Variants in HERC3 observed in about 807,000 individuals in gnomAD.
The protein encoded by HERC3 is probable E3 ubiquitin-protein ligase HERC3.
A neutral mutation model predicts 129.9 loss-of-function variants in HERC3; 58 were observed. The observed-to-expected ratio is 0.45, with a 90% CI of 0.36 to 0.56. The LOEUF (loss-of-function observed/expected upper bound fraction) is 0.56, where lower values mean the gene tolerates loss of function less well. Ranked by LOEUF, HERC3 falls within the 20% of genes least tolerant of loss-of-function variation. The pLI is 0.00. For missense variants in HERC3, 835 were observed against 1,244.2 expected (o/e 0.67, Z 4.95); for synonymous variants, 430 against 451.0 (o/e 0.95, Z 0.59).
chr4:88,593,145 C>A (rs1415510780), intron 1 of HERC3: 1 of 152,112 alleles, frequency 6.6e-6, no homozygotes, highest in African/African-American at 2.4e-5. Context: ...ACAGCGCCGG[C>A]AGGGCTGCGG....
chr4:88,532,796 G>A, the HERC3 span, among the ~76,000 whole-genome samples: 1 of 152,182 alleles, frequency 6.6e-6, no homozygotes, highest in South Asian at 2.1e-4. Context: ...TAATATTTAG[G>A]AAAACAATGT....
rs1019578767 is a variant in HERC3, at chr4:88,595,595, T to C, written c.-49T>C. On this transcript the variant is annotated 5_prime_UTR_variant, in exon 2 of 26. An upstream start codon of the reference 5' UTR is lost. Transcript: ENST00000402738. ...GGAATATTTCTGGCTTCTAGTCCAA[T>C]GCCAAGTGTGTGACCTGTGGTGAGT... The C allele has an allele frequency of 5.9e-5, 9 of 152,356 alleles. No homozygotes were observed. The highest frequency in any genetic ancestry group is 3.4e-3 in the Middle Eastern group (1 of 294). The allele number at this position is 152,356 out of a possible 1,614,324, so 9.4% of individuals were successfully genotyped here. A position where few individuals can be genotyped will look rare whatever the true frequency, so the allele number is the denominator to read the frequency against.
At chr4:88,690,359 G>A (rs1733950192) in intron 23 of HERC3, 1 of 985,350 alleles carries the variant, frequency 1.0e-6, no homozygotes, top group Non-Finnish European at 1.2e-6. Context: ...TTCCCTCCTG[G>A]TTTTGGGGAT....
At chr4:88,571,510 TC>T in the HERC3 span, among the ~76,000 whole-genome samples, 3 of 152,140 alleles carry the variant, frequency 2.0e-5, no homozygotes, top group African/African-American at 7.2e-5. Flanking sequence ...CTTTCTTTTT[TC>T]CCCCAGATCC....
chr4:88,619,893 A>G (rs1325220553), intron 3 of HERC3, among the ~76,000 whole-genome samples: 1 of 152,226 alleles, frequency 6.6e-6, no homozygotes, highest in East Asian at 1.9e-4. Flanking sequence ...CATCCATTTG[A>G]TTGGCAAGAA....
chr4:88,524,501 G>T, the HERC3 span, among the ~76,000 whole-genome samples: 1 of 152,182 alleles, frequency 6.6e-6, no homozygotes, highest in Non-Finnish European at 1.5e-5. Flanking sequence ...AAGTGACCAT[G>T]TTAGATCTCT....
intron 3 of HERC3, among the ~76,000 whole-genome samples, chr4:88,622,411 T>C (rs1026989128): frequency 6.6e-6 from 1 of 152,210 alleles, no homozygotes; most frequent in Non-Finnish European, 1.5e-5. Flanking sequence ...TGGTTTTAGG[T>C]TTTTGGCTGT....
At chr4:88,615,295 G>C (rs976250401) in intron 3 of HERC3, among the ~76,000 whole-genome samples, 3 of 152,104 alleles carry the variant, frequency 2.0e-5, no homozygotes, top group African/African-American at 7.2e-5. Flanking sequence ...CCTGAATGGG[G>C]TATATCTGGT....
chr4:88,635,064 A>G (rs958657231), intron 3 of HERC3, among the ~76,000 whole-genome samples: 1 of 152,172 alleles, frequency 6.6e-6, no homozygotes, highest in Non-Finnish European at 1.5e-5. Flanking sequence ...AATGAAAAAA[A>G]CGCTGAAAAC....
At chr4:88,533,982 C>G in the HERC3 span, among the ~76,000 whole-genome samples, 1 of 152,140 alleles carries the variant, frequency 6.6e-6, no homozygotes. Context: ...TTTCTACCTC[C>G]CATTCCTCCT....
At chr4:88,534,604 T>C in the HERC3 span, among the ~76,000 whole-genome samples, 5 of 152,172 alleles carry the variant, frequency 3.3e-5, no homozygotes, top group South Asian at 2.1e-4. Flanking sequence ...CATTTCCTTT[T>C]CCAATTTATT....
At chr4:88,645,728 A>G (rs1198889118) in intron 3 of HERC3, among the ~76,000 whole-genome samples, 1 of 152,180 alleles carries the variant, frequency 6.6e-6, no homozygotes, top group Non-Finnish European at 1.5e-5. Context: ...ATTTCATCAC[A>G]TGACTCAGAA....
intron 10 of HERC3, among the ~76,000 whole-genome samples, chr4:88,660,976 A>G (rs1458121779): frequency 6.6e-6 from 1 of 152,218 alleles, no homozygotes; most frequent in Non-Finnish European, 1.5e-5. Context: ...GCCTGTATGT[A>G]TTAAAGACAG....
intron 2 of HERC3, among the ~76,000 whole-genome samples, chr4:88,602,171 C>T (rs1158018624): frequency 6.6e-6 from 1 of 151,642 alleles, no homozygotes; most frequent in Non-Finnish European, 1.5e-5. Context: ...GAGGCCAAGG[C>T]GGGCTAATTA....
Position 88,652,915 on chromosome 4 carries a change from C to G in HERC3, c.510C>G (p.Gly170=). 1 of 1,613,800 alleles carries G rather than the reference C, an allele frequency of 6.2e-7. No homozygotes were observed. Among genetic ancestry groups the G allele is most frequent in the Non-Finnish European group, 8.5e-7 (1 of 1,179,970 alleles). The part of the protein sequence containing the change: ...TWGKNSHGQL[G]LGKEFPSQAS... ...GAAAGAACAGCCATGGGCAGCTTGG[C>G]TTAGGGAAGGAGTTCCCCTCCCAAG... Residue 170 remains glycine (G), a synonymous_variant, in exon 6 of 26, where the codon GGC becomes GGG. Coordinates refer to ENST00000402738, the MANE Select transcript of HERC3 (RefSeq NM_014606.3).
chr4:88,649,886 T>G lies in HERC3; in HGVS notation c.273T>G (p.Cys91Trp). ...ATCAGCATATCATTCATGTGGCATG[T>G]GGCGAGTCCCACAGTCTGGCCCTCA... ...LADQHIIHVA[C>W]GESHSLALSD... Residue 91 changes from cysteine (C) to tryptophan (W), a missense_variant, in exon 4 of 26, where the codon TGT becomes TGG. Cys to Trp is a radical substitution (Grantham distance 215). Coordinates refer to ENST00000402738, the MANE Select transcript of HERC3 (RefSeq NM_014606.3). 6.2e-7 allele frequency: 1 copy of G among 1,614,076 alleles called. No individual in the cohort carries two copies. Among genetic ancestry groups the G allele is most frequent in the Non-Finnish European group, 8.5e-7 (1 of 1,179,990 alleles).
chr4:88,558,947 A>G, the HERC3 span, among the ~76,000 whole-genome samples: 5 of 148,700 alleles, frequency 3.4e-5, no homozygotes, highest in Non-Finnish European at 7.4e-5. Flanking sequence ...CAGCCTGGGC[A>G]ACAGAGCGAG....
intron 14 of HERC3, among the ~76,000 whole-genome samples, chr4:88,669,256 A>T (rs976082965): frequency 1.3e-5 from 2 of 152,176 alleles, no homozygotes; most frequent in Non-Finnish European, 2.9e-5. Context: ...TTTTAAAGGA[A>T]ATCTCAGACA....
the HERC3 span, among the ~76,000 whole-genome samples, chr4:88,545,430 CTTTTTTTTT>C: frequency 4.5e-5 from 5 of 110,434 alleles, no homozygotes; most frequent in African/African-American, 1.8e-4. Flanking sequence ...TTTGAGAATT[CTTTTTTTTT>C]TTTTTTTTTT....
Sources: allele counts gnomAD v4.1 joint callset (sites outside exome capture counted in the v4.1 genomes callset), GRCh38; gene constraint gnomAD v4.1.1; transcripts MANE v1.5; gene names NCBI Gene and HGNC (gene_info 2026-07-23, HGNC 2026-07-21).